Variants in NALF1 observed in about 807,000 individuals in gnomAD.
NALF1 encodes the protein family with sequence similarity 155 member A.
In NALF1, 3 loss-of-function variants were observed where a neutral mutation model predicts 48.4. The ratio of observed to expected loss-of-function variants is 0.06; its 90% CI spans 0.03 to 0.16. The LOEUF is 0.16. Ranked by LOEUF, NALF1 falls within the 10% of genes least tolerant of loss-of-function variation. The pLI is 1.00. For synonymous variants in NALF1, 262 were observed against 245.7 expected, an observed-to-expected ratio of 1.07 and a Z score of -0.62; for missense variants, 526 against 571.5, an observed-to-expected ratio of 0.92 and a Z score of 0.81.
intron 1 of NALF1, among the ~76,000 whole-genome samples, chr13:107,299,833 T>G (rs1175331489): frequency 6.6e-6 from 1 of 152,168 alleles, no homozygotes; most frequent in African/African-American, 2.4e-5. Context: ...CCCTGGGAAT[T>G]TCTCCTGTTC....
chr13:107,684,202 T>C (rs1211172404), intron 1 of NALF1, among the ~76,000 whole-genome samples: 1 of 152,204 alleles, frequency 6.6e-6, no homozygotes. Flanking sequence ...CCCCAGCTCA[T>C]CACTTCACAA....
At chr13:107,766,170 C>T (rs1877414258) in intron 1 of NALF1, among the ~76,000 whole-genome samples, 2 of 152,048 alleles carry the variant, frequency 1.3e-5, no homozygotes, top group Non-Finnish European at 2.9e-5. Flanking sequence ...TTGCTACAGC[C>T]CCATTAGCCT....
In NALF1 at chr13:107,170,539, T is replaced by C; in HGVS notation, c.1335A>G (p.Gly445=). ...AGTTTTCTTCCAGCGTGTTGATGCCTCCAAAGCTCAGTCCGGCTGTGTTCT... is the reference window on the plus strand; with the variant it reads ...AGTTTTCTTCCAGCGTGTTGATGCCCCCAAAGCTCAGTCCGGCTGTGTTCT... ...AAQNTAGLSF[G]GINTLEENST... is the part of the protein sequence containing the mutation. The change falls in exon 3 of 3, where the codon GGA becomes GGG. Residue 445 remains glycine, a synonymous_variant. Transcript: ENST00000375915. 6.2e-7 allele frequency: 1 copy of C among 1,612,290 alleles called. No homozygotes were observed.
intron 1 of NALF1, among the ~76,000 whole-genome samples, chr13:107,549,239 G>T (rs2139127322): frequency 6.6e-6 from 1 of 152,262 alleles, no homozygotes; most frequent in South Asian, 2.1e-4. Context: ...TTTATCAATT[G>T]AGGGTGACAG....
chr13:107,550,672 T>C (rs1594123998), intron 1 of NALF1, among the ~76,000 whole-genome samples: 1 of 152,268 alleles, frequency 6.6e-6, no homozygotes, highest in East Asian at 1.9e-4. Flanking sequence ...TCAGACAATT[T>C]TGTAAATAAG....
intron 1 of NALF1, among the ~76,000 whole-genome samples, chr13:107,747,465 G>T (rs531962769): frequency 1.3e-5 from 2 of 152,116 alleles, no homozygotes; most frequent in East Asian, 1.9e-4. Context: ...ATGCATGTTG[G>T]TCTTACCTCC....
intron 1 of NALF1, among the ~76,000 whole-genome samples, chr13:107,380,350 A>ATT (rs1883411585): frequency 6.6e-6 from 1 of 152,244 alleles, no homozygotes. Flanking sequence ...ACAAGAAATC[A>ATT]TAAGGCTTTA....
chr13:107,427,127 T>C (rs143998838), intron 1 of NALF1, among the ~76,000 whole-genome samples: 129 of 151,794 alleles, frequency 8.5e-4, no homozygotes, highest in African/African-American at 2.9e-3. Flanking sequence ...GTGTTAATGT[T>C]CTTATAATTT....
intron 1 of NALF1, among the ~76,000 whole-genome samples, chr13:107,498,383 TG>T (rs1486593027): frequency 2.0e-5 from 3 of 152,142 alleles, no homozygotes; most frequent in Non-Finnish European, 4.4e-5. Flanking sequence ...CAATTTATGT[TG>T]GGGAAAATAA....
At chr13:107,438,849 AAAGAAT>A (rs1566342621) in intron 1 of NALF1, among the ~76,000 whole-genome samples, 6 of 148,166 alleles carry the variant, frequency 4.0e-5, no homozygotes, top group Admixed American at 6.7e-5. Flanking sequence ...AAAAAAAAAA[AAAGAAT>A]AATATAAAGG....
intron 1 of NALF1, among the ~76,000 whole-genome samples, chr13:107,576,535 A>G (rs1566400323): frequency 6.6e-6 from 1 of 152,170 alleles, no homozygotes; most frequent in African/African-American, 2.4e-5. Context: ...CAACATCAAA[A>G]AATAGTTACC....
At chr13:107,335,224 C>T (rs1882534593) in intron 1 of NALF1, among the ~76,000 whole-genome samples, 1 of 152,110 alleles carries the variant, frequency 6.6e-6, no homozygotes, top group Non-Finnish European at 1.5e-5. Context: ...TCCATGGTCT[C>T]ATCTTAAATC....
chr13:107,800,699 T>C (rs909879118), intron 1 of NALF1, among the ~76,000 whole-genome samples: 24 of 147,654 alleles, frequency 1.6e-4, no homozygotes, highest in African/African-American at 4.7e-4. Flanking sequence ...AAATATATTA[T>C]GTATCATATA....
chr13:107,584,788 C>T (rs1022401060), intron 1 of NALF1, among the ~76,000 whole-genome samples: 1 of 152,192 alleles, frequency 6.6e-6, no homozygotes, highest in Non-Finnish European at 1.5e-5. Context: ...GTGAAGCCCA[C>T]AGGCTGGGTG....
chr13:107,680,948 AGTGTGTGT>A (rs140128926), intron 1 of NALF1, among the ~76,000 whole-genome samples: 51 of 129,974 alleles, frequency 3.9e-4, no homozygotes, highest in African/African-American at 1.4e-3. Context: ...TGAGTGTAAC[AGTGTGTGT>A]GTGTGTGTGT....
intron 1 of NALF1, among the ~76,000 whole-genome samples, chr13:107,758,998 G>C (rs368942195): frequency 6.6e-6 from 1 of 151,990 alleles, no homozygotes; most frequent in South Asian, 2.1e-4. Context: ...ACCAATTCCA[G>C]TTGCCTGGCC....
intron 1 of NALF1, among the ~76,000 whole-genome samples, chr13:107,686,088 G>A (rs1030440663): frequency 2.0e-5 from 3 of 152,174 alleles, no homozygotes; most frequent in Non-Finnish European, 2.9e-5. Flanking sequence ...GGCGGGGGCC[G>A]GGGGCCAGCC....
chr13:107,200,502 T>C (rs1879489652), intron 2 of NALF1, among the ~76,000 whole-genome samples: 1 of 152,204 alleles, frequency 6.6e-6, no homozygotes, highest in Admixed American at 6.5e-5. Context: ...TCCCACACGA[T>C]GAATGCACAG....
In NALF1 at chr13:107,533,719, C is replaced by T. The variant is rs116416670; in HGVS notation, c.916-322964G>A. 8.1e-3 allele frequency among the ~76,000 whole-genome samples: 1,234 copies of T among 152,142 alleles called. 23 individuals carry two copies. The highest frequency in any genetic ancestry group is 0.028 in the African/African-American group (1,176 of 41,500). Reference sequence around the variant, plus strand: ...CCATCTTTCAGAAAACAAAACAAAACACACTCTCCAACAAAGCAACACCCC... The same window carrying T: ...CCATCTTTCAGAAAACAAAACAAAATACACTCTCCAACAAAGCAACACCCC... On this transcript the variant is annotated intron_variant, in intron 1 of 2. Coordinates refer to ENST00000375915, the MANE Select transcript of NALF1 (RefSeq NM_001080396.3).
Sources: gnomAD v4.1 joint callset for allele counts (sites outside exome capture counted in the v4.1 genomes callset) on GRCh38, gnomAD v4.1.1 for gene constraint, MANE v1.5 for transcripts, NCBI Gene and HGNC (gene_info 2026-07-23, HGNC 2026-07-21) for gene names.